DLEC1: variants seen among roughly 807,000 people sequenced by gnomAD.
DLEC1 encodes DLEC1 cilia and flagella associated protein, also known as deleted in lung and esophageal cancer protein 1.
A neutral mutation model predicts 198.1 loss-of-function variants in DLEC1; 146 were observed. The observed-to-expected ratio is 0.74, with a 90% confidence interval of 0.64 to 0.85. The LOEUF is 0.85. Ranked by LOEUF, DLEC1 falls within the 40% of genes least tolerant of loss-of-function variation. The pLI is 0.00. For missense variants in DLEC1, 2,233 were observed against 2,220.0 expected (o/e 1.01, Z -0.12); for synonymous variants, 897 against 866.8 (o/e 1.03, Z -0.61).
At chr3:38,109,975 C>A in intron 22 of DLEC1, 124 bp from the exon 23 acceptor site, 2 of 1,116,556 alleles carry the variant, frequency 1.8e-6, no homozygotes, top group Non-Finnish European at 2.5e-6. Context: ...CTCAATGAAA[C>A]AGGAGTCTGA....
rs139477978 is a variant in DLEC1, at chr3:38,061,164, CTTGTTTGT to C, written c.674-986_674-979del. ...ATTTAACCTTTGGAGGGATGGTTTT[CTTGTTTGT>C]TTGTTTGTTTGTTTGTTTTTTCTTG... On this transcript the variant is annotated intron_variant, in intron 3 of 36. Transcript: ENST00000308059. Among the ~76,000 whole-genome samples the C allele has an allele frequency of 1.6e-3, 237 of 151,256 alleles. 1 individual carries two copies. Among genetic ancestry groups the C allele is most frequent in the African/African-American group, 5.2e-3 (216 of 41,162 alleles).
rs144938390 is a variant in DLEC1 at position 38,104,844 on chromosome 3, A to G, written c.2865-2740A>G. Among the ~76,000 whole-genome samples the G allele has an allele frequency of 6.0e-3, 907 of 152,038 alleles. 9 individuals are homozygous for G. Among genetic ancestry groups the G allele is most frequent in the African/African-American group, 0.019 (793 of 41,456 alleles). ...CTGTCCTTCCACTTGCTTTGGGTTT[A>G]GTTTGCTCTTCTCTTTCTAGTTTCT... On this transcript the variant is annotated intron_variant, in intron 19 of 36. Transcript: ENST00000308059.
intron 2 of DLEC1, among the ~76,000 whole-genome samples, chr3:38,053,692 G>A (rs1042279421): frequency 1.2e-4 from 18 of 149,750 alleles, no homozygotes; most frequent in African/African-American, 4.2e-4. Flanking sequence ...CGTCTGGGAG[G>A]TGTACCCAAC....
At chr3:38,063,683 A>G (rs773813909) in intron 5 of DLEC1, among the ~76,000 whole-genome samples, 158 bp from the exon 6 acceptor site, 13 of 152,248 alleles carry the variant, frequency 8.5e-5, no homozygotes, top group African/African-American at 1.2e-4. Context: ...TATAACCTGC[A>G]TTAACAATAA....
In DLEC1 at chr3:38,063,865, A is replaced by C; in HGVS notation, c.1119A>C (p.Leu373=). ...EQSCADTPVF[L]AKPPIGFFTD... The stretch of plus-strand genomic sequence containing the variant: ...GTTGTGCTGATACTCCAGTGTTTCT[A>C]GCTAAGCCACCAATTGGGTTTTTCA... Residue 373 remains leucine, a synonymous_variant, in exon 6 of 37, where the codon CTA becomes CTC. Coordinates refer to ENST00000308059, the MANE Select transcript of DLEC1 (RefSeq NM_007335.4). The C allele has an allele frequency of 6.2e-7, 1 of 1,613,664 alleles. No individual in the cohort carries two copies. The highest frequency in any genetic ancestry group is 8.5e-7 in the Non-Finnish European group (1 of 1,179,732).
intron 25 of DLEC1, among the ~76,000 whole-genome samples, chr3:38,113,745 G>C (rs1359890625): frequency 6.6e-6 from 1 of 151,946 alleles, no homozygotes; most frequent in African/African-American, 2.4e-5. Flanking sequence ...GATTATTAAA[G>C]GCATGTGCAG....
chr3:38,084,520 TA>T (rs1234814295), intron 7 of DLEC1, among the ~76,000 whole-genome samples: 1 of 150,646 alleles, frequency 6.6e-6, no homozygotes, highest in Non-Finnish European at 1.5e-5. Flanking sequence ...GTAGTAGTGG[TA>T]GTAGTAGTAG....
intron 2 of DLEC1, 106 bp downstream of exon 2, chr3:38,045,799 A>G (rs1413717580): frequency 3.4e-6 from 4 of 1,164,518 alleles, no homozygotes; most frequent in Non-Finnish European, 4.7e-6. Context: ...ATATTTGGAG[A>G]GCAAGTCGCA....
In DLEC1 at chr3:38,117,534, G is replaced by A. The variant is rs1260902817; in HGVS notation, c.4408G>A (p.Val1470Met). 1 of 1,614,088 alleles carries A rather than the reference G, an allele frequency of 6.2e-7. No individual in the cohort carries two copies. The highest frequency in any genetic ancestry group is 1.3e-5 in the African/African-American group (1 of 74,938). Reference sequence around the variant, plus strand: ...ATGCCTATTGCTGGGCAGGCTAAGTGTGGAGCTGGACTACGGCGGCAGTAT... The same window carrying A: ...ATGCCTATTGCTGGGCAGGCTAAGTATGGAGCTGGACTACGGCGGCAGTAT... The part of the protein sequence containing the change: ...HSYVRPAQLS[V>M]ELDYGGSMEF... The change falls in exon 32 of 37, where the codon GTG becomes ATG. Residue 1470 changes from valine to methionine, a missense_variant. Transcript: ENST00000308059.
At chr3:38,101,283 C>T (rs141404130) in intron 19 of DLEC1, among the ~76,000 whole-genome samples, 49 of 152,174 alleles carry the variant, frequency 3.2e-4, no homozygotes, top group Non-Finnish European at 5.3e-4. Context: ...GGTGAAACCC[C>T]GTCTTTACTA....
chr3:38,087,634 A>T (rs899772631), intron 9 of DLEC1, among the ~76,000 whole-genome samples: 5 of 152,276 alleles, frequency 3.3e-5, no homozygotes, highest in African/African-American at 1.2e-4. Flanking sequence ...TAGCATGCTC[A>T]CACCATTATT....
At position 38,058,457 on chromosome 3, in the gene DLEC1, G is replaced by A. The variant is rs892689481; in HGVS notation, c.563-1285G>A. 5.9e-5 allele frequency among the ~76,000 whole-genome samples: 9 copies of A among 152,288 alleles called. No individual in the cohort carries two copies. The East Asian group carries it at 1.7e-3, about 29-fold the overall frequency. Reference sequence around the variant, plus strand: ...CGGCTAGGCGGCTGTCTTGTTTACAGTGTGGAAATGCCCACTCCCAGGCCA... The same window carrying A: ...CGGCTAGGCGGCTGTCTTGTTTACAATGTGGAAATGCCCACTCCCAGGCCA... On this transcript the variant is annotated intron_variant, in intron 2 of 36. Coordinates refer to ENST00000308059, the MANE Select transcript of DLEC1 (RefSeq NM_007335.4).
chr3:38,108,260 G>A (rs1699672368), intron 20 of DLEC1, 145 bp from the exon 21 acceptor site: 5 of 657,814 alleles, frequency 7.6e-6, no homozygotes, highest in South Asian at 7.2e-5. Context: ...ATCCCCAGAA[G>A]TGAGCACCCA....
intron 6 of DLEC1, among the ~76,000 whole-genome samples, chr3:38,064,838 G>A (rs1336935898): frequency 1.0e-4 from 15 of 150,022 alleles, no homozygotes; most frequent in African/African-American, 3.4e-4. Context: ...AGGAAGAGGC[G>A]CTCCTCACTT....
chr3:38,048,282 A>C (rs1303187022), intron 2 of DLEC1, among the ~76,000 whole-genome samples: 1 of 152,200 alleles, frequency 6.6e-6, no homozygotes, highest in East Asian at 1.9e-4. Context: ...ACCACTCCCC[A>C]CAAAGACCTT....
intron 33 of DLEC1, 31 bp downstream of exon 33, chr3:38,118,055 G>A (rs71323653): frequency 0.044 from 68,834 of 1,560,236 alleles, 1,758 homozygotes; most frequent in Non-Finnish European, 0.052. Flanking sequence ...CCCTTGCCTC[G>A]ATGGCACACC....
chr3:38,086,335 C>G lies in DLEC1; in HGVS notation c.1530C>G (p.Phe510Leu). The G allele has an allele frequency of 6.2e-7, 1 of 1,612,588 alleles. No homozygotes were observed. The highest frequency in any genetic ancestry group is 8.5e-7 in the Non-Finnish European group (1 of 1,179,244). ...ATGTGGGTTTCAGTGTTGGCAGGTT[C>G]TGCATTATGCCCAAAACAAGCTGGC... Reference protein sequence around the residue: ...CKNVGFSVGRFCIMPKTSWPP... With the variant: ...CKNVGFSVGRLCIMPKTSWPP... Residue 510 changes from phenylalanine to leucine, a missense_variant, in exon 9 of 37, where the codon TTC becomes TTG. Transcript: ENST00000308059.
Position 38,117,806 on chromosome 3 carries a change from G to A in DLEC1, c.4486G>A (p.Val1496Met). ...DLIPEQPCSG[V>M]LSELVTTHHL... ...GCCTCCTACCTCTGTGGCTGCCCAG[G>A]TGCTGAGTGAGCTGGTGACCACCCA... The change falls in exon 33 of 37, where the codon GTG (valine) becomes ATG (methionine). Residue 1496 changes from valine to methionine, a missense_variant and splice_region_variant. Physicochemically the swap from Val to Met is conservative, Grantham distance 21. Coordinates refer to ENST00000308059, the MANE Select transcript of DLEC1 (RefSeq NM_007335.4). The A allele has an allele frequency of 1.2e-6, 2 of 1,614,122 alleles. No homozygotes were observed. The highest frequency in any genetic ancestry group is 1.3e-5 in the African/African-American group (1 of 75,040).
intron 4 of DLEC1, 38 bp downstream of exon 4, chr3:38,062,406 GA>G (rs772145521): frequency 1.2e-6 from 2 of 1,612,182 alleles, no homozygotes; most frequent in East Asian, 4.5e-5. Context: ...TGTTTGGGGG[GA>G]CAGAGAGGCA....
Sources: allele counts gnomAD v4.1 joint callset (sites outside exome capture counted in the v4.1 genomes callset), GRCh38; gene constraint gnomAD v4.1.1; transcripts MANE v1.5; gene names NCBI Gene and HGNC (gene_info 2026-07-23, HGNC 2026-07-21).